The following ASIC2 variants were observed in gnomAD, a reference collection of about 807,000 sequenced individuals.
ASIC2 encodes the protein acid sensing ion channel subunit 2, also known as acid-sensing ion channel 2.
A neutral mutation model predicts 57.3 loss-of-function variants in ASIC2; 25 were observed. That is an observed-to-expected ratio of 0.44 (90% CI 0.32 to 0.61). The LOEUF (loss-of-function observed/expected upper bound fraction) is 0.61. Ranked by LOEUF, ASIC2 falls within the 20% of genes least tolerant of loss-of-function variation. ASIC2 has a pLI of 0.06. For missense variants in ASIC2, 641 were observed against 738.1 expected (o/e 0.87, Z 1.52); for synonymous variants, 319 against 307.5 (o/e 1.04, Z -0.39).
chr17:33,032,099 T>G (rs1218182742), intron 3 of ASIC2, among the ~76,000 whole-genome samples: 2 of 152,234 alleles, frequency 1.3e-5, no homozygotes, highest in Non-Finnish European at 1.5e-5. Context: ...TTGATCTATT[T>G]ACACTTAATG....
At chr17:33,445,200 G>A (rs190256999) in intron 1 of ASIC2, among the ~76,000 whole-genome samples, 99 of 152,290 alleles carry the variant, frequency 6.5e-4, no homozygotes, top group Admixed American at 3.5e-3. Flanking sequence ...AGGCCAAGGC[G>A]TCTGATCATT....
chr17:33,084,826 C>T (rs1249737096), intron 3 of ASIC2, among the ~76,000 whole-genome samples: 1 of 152,158 alleles, frequency 6.6e-6, no homozygotes, highest in East Asian at 1.9e-4. Context: ...AACCAGGGCA[C>T]TTCTTAAGGT....
intron 1 of ASIC2, among the ~76,000 whole-genome samples, chr17:33,220,231 T>C (rs1324508673): frequency 6.6e-6 from 1 of 152,040 alleles, no homozygotes; most frequent in Non-Finnish European, 1.5e-5. Flanking sequence ...GGATAGGGAG[T>C]TGGCTACCTC....
intron 3 of ASIC2, among the ~76,000 whole-genome samples, chr17:33,064,846 C>T (rs1414301343): frequency 6.6e-6 from 1 of 152,218 alleles, no homozygotes; most frequent in Non-Finnish European, 1.5e-5. Context: ...TGGTGGTCCA[C>T]ATTTTATTCT....
At position 33,428,035 on chromosome 17, in the gene ASIC2, G is replaced by A. The variant is rs186932232; in HGVS notation, c.556-315968C>T. On this transcript the variant is annotated intron_variant, in intron 1 of 9. Transcript: ENST00000359872. ...TGAGGTCTCCTAACAACAGCCATAT[G>A]AAAGAACCTTGTGGAAAGAGATCTT... 1.2e-3 allele frequency among the ~76,000 whole-genome samples: 178 copies of A among 152,310 alleles called. 2 individuals carry two copies. Among genetic ancestry groups the A allele is most frequent in the Non-Finnish European group, 5.1e-4 (35 of 68,028 alleles).
At chr17:33,071,281 A>T (rs1032363340) in intron 3 of ASIC2, among the ~76,000 whole-genome samples, 1 of 152,160 alleles carries the variant, frequency 6.6e-6, no homozygotes, top group Non-Finnish European at 1.5e-5. Context: ...TACATTCTTC[A>T]TTTTAAAAAT....
chr17:33,652,010 G>C (rs984152803), intron 1 of ASIC2, among the ~76,000 whole-genome samples: 6 of 152,198 alleles, frequency 3.9e-5, no homozygotes, highest in African/African-American at 1.4e-4. Flanking sequence ...ATGCGTGTGT[G>C]TGTGAGTGCT....
chr17:33,096,730 G>A lies in ASIC2; in HGVS notation c.860-7740C>T, dbSNP rs377400466. Among the ~76,000 whole-genome samples, 83 of 152,326 alleles carry A rather than the reference G, an allele frequency of 5.4e-4. 1 individual carries two copies. Among genetic ancestry groups the A allele is most frequent in the African/African-American group, 1.9e-3 (78 of 41,564 alleles). ...GCAGGTGTGGCTCGCTTGGTTGGGA[G>A]TCAGGAAAGGCCTGTTCAAGGTGAG... On this transcript the variant is annotated intron_variant, in intron 2 of 9. Coordinates refer to ENST00000225823, the MANE Select transcript of ASIC2 (RefSeq NM_183377.2).
chr17:34,124,102 A>G (rs897670801), intron 1 of ASIC2, among the ~76,000 whole-genome samples: 14 of 152,140 alleles, frequency 9.2e-5, no homozygotes, highest in African/African-American at 3.1e-4. Context: ...AAATAAAAAT[A>G]TTAAATTATA....
chr17:33,465,264 T>C (rs1248872423), intron 1 of ASIC2, among the ~76,000 whole-genome samples: 6 of 152,230 alleles, frequency 3.9e-5, no homozygotes, highest in Admixed American at 3.9e-4. Context: ...TTCCTAATTG[T>C]TCAACAGGAA....
intron 1 of ASIC2, among the ~76,000 whole-genome samples, chr17:33,451,643 A>C (rs1180595469): frequency 6.6e-6 from 1 of 152,084 alleles, no homozygotes; most frequent in Non-Finnish European, 1.5e-5. Context: ...TACATCCCTT[A>C]TGCCCTCTCT....
chr17:34,015,528 C>A (rs1034935204), intron 1 of ASIC2, among the ~76,000 whole-genome samples: 3 of 152,224 alleles, frequency 2.0e-5, no homozygotes, highest in African/African-American at 7.2e-5. Context: ...TGCTACAGAG[C>A]ATCTGCTCTC....
chr17:33,756,272 T>C (rs1910602390), intron 1 of ASIC2, among the ~76,000 whole-genome samples: 1 of 152,224 alleles, frequency 6.6e-6, no homozygotes, highest in African/African-American at 2.4e-5. Context: ...AGACAGCTGC[T>C]GACAGAGTCA....
intron 1 of ASIC2, chr17:33,688,979 A>G (rs1908281550): frequency 6.6e-6 from 1 of 152,220 alleles, no homozygotes; most frequent in Non-Finnish European, 1.5e-5. Context: ...CAGAGAGAAT[A>G]TAAAGGCAGT....
At chr17:33,265,585 G>A (rs1481936781) in intron 1 of ASIC2, among the ~76,000 whole-genome samples, 1 of 152,112 alleles carries the variant, frequency 6.6e-6, no homozygotes, top group Non-Finnish European at 1.5e-5. Flanking sequence ...CGGGTTGATA[G>A]GTGCAGCAAA....
In ASIC2 at chr17:33,291,527, G is replaced by A. The variant is rs1223112452; in HGVS notation, c.589C>T (p.Pro197Ser). Residue 197 changes from proline (P) to serine (S), a missense_variant, in exon 1 of 10, where the codon CCG becomes TCG. Pro to Ser is a moderately conservative substitution (Grantham distance 74, BLOSUM62 -1). Around this residue, in one of 3 missense-constraint regions of ASIC2, gnomAD observed 382 missense variants for 398.0 expected, o/e 0.96. Transcript: ENST00000225823. ...KLADFRLFLP[P>S]RHFEGISAAF... ...GCGCTGATTCCCTCGAAGTGGCGCG[G>A]AGGCAGGAAGAGGCGGAAGTCCGCC... The A allele has an allele frequency of 1.9e-6, 3 of 1,612,520 alleles. No homozygotes were observed. The highest frequency in any genetic ancestry group is 2.7e-5 in the African/African-American group (2 of 75,054).
At chr17:33,739,295 T>A (rs1209355306) in intron 1 of ASIC2, among the ~76,000 whole-genome samples, 1 of 152,196 alleles carries the variant, frequency 6.6e-6, no homozygotes. Context: ...AAGAGGGGAT[T>A]TGAGTCCATC....
At chr17:33,763,451 C>T (rs928974360) in intron 1 of ASIC2, among the ~76,000 whole-genome samples, 20 of 152,166 alleles carry the variant, frequency 1.3e-4, no homozygotes, top group Admixed American at 9.8e-4. Flanking sequence ...TCCTCTGGTT[C>T]CATAGCAGAA....
At chr17:33,347,124 G>T (rs547700800) in intron 1 of ASIC2, among the ~76,000 whole-genome samples, 13 of 152,262 alleles carry the variant, frequency 8.5e-5, no homozygotes, top group African/African-American at 2.9e-4. Context: ...ATAGAAGCAA[G>T]CTCTTGGGAA....
Sources: allele counts gnomAD v4.1 joint callset (sites outside exome capture counted in the v4.1 genomes callset), GRCh38; gene constraint gnomAD v4.1.1; regional missense constraint gnomAD v4.1.1; transcripts MANE v1.5; gene names NCBI Gene and HGNC (gene_info 2026-07-23, HGNC 2026-07-21).